PHACTR1: variants seen among roughly 807,000 people sequenced by gnomAD.
The protein encoded by PHACTR1 is RPEL repeat containing 1.
Under a neutral mutation model 69.2 loss-of-function variants are expected in PHACTR1, and 16 were observed. The observed-to-expected ratio is 0.23, with a 90% CI of 0.16 to 0.35. The LOEUF is 0.35. Ranked by LOEUF, PHACTR1 falls within the 10% of genes least tolerant of loss-of-function variation. PHACTR1 has a pLI of 1.00. For synonymous variants in PHACTR1, 312 were observed against 284.5 expected (o/e 1.10, Z -0.97); for missense variants, 510 against 734.7 (o/e 0.69, Z 3.54).
At chr6:13,101,542 A>G (rs1382354381) in intron 5 of PHACTR1, among the ~76,000 whole-genome samples, 1 of 152,228 alleles carries the variant, frequency 6.6e-6, no homozygotes, top group Non-Finnish European at 1.5e-5. Flanking sequence ...CACTTTTGCA[A>G]TAAACCTGTG....
Position 13,272,848 on chromosome 6 carries a change from T to C in PHACTR1, c.1392-12T>C. On this transcript the variant is annotated splice_polypyrimidine_tract_variant and intron_variant, in intron 10 of 14. Coordinates refer to ENST00000332995, the MANE Select transcript of PHACTR1 (RefSeq NM_030948.6). ...ATATGGTCCAAAAACTTTTCCTGGA[T>C]TTTTTCCGTAGGCGGCTGAGCCAGA... The C allele has an allele frequency of 1.2e-6, 2 of 1,614,026 alleles. No individual in the cohort carries two copies. Among genetic ancestry groups the C allele is most frequent in the Non-Finnish European group, 1.7e-6 (2 of 1,179,894 alleles).
rs573967986 is a variant in PHACTR1, at chr6:12,921,617, A to G, written c.251-131748A>G. The stretch of plus-strand genomic sequence containing the variant: ...GGGAGGAAGGGAGGAAGGAAGGAAG[A>G]AAGGGAGGAAGGAGAGGGAGGGAGG... On this transcript the variant is annotated intron_variant, in intron 4 of 14. Transcript: ENST00000332995. Among the ~76,000 whole-genome samples, 292 of 96,008 alleles carry G rather than the reference A, an allele frequency of 3.0e-3. 1 individual carries two copies. The highest frequency in any genetic ancestry group is 4.3e-3 in the Non-Finnish European group (210 of 48,872). The allele number at this position is 96,008 out of a possible 152,430, so 63.0% of individuals were successfully genotyped here. A position where few individuals can be genotyped will look rare whatever the true frequency, so the allele number is the denominator to read the frequency against.
chr6:13,194,622 A>G (rs1447250673), intron 7 of PHACTR1, among the ~76,000 whole-genome samples: 3 of 152,072 alleles, frequency 2.0e-5, no homozygotes, highest in East Asian at 3.9e-4. Context: ...AATGGATTGT[A>G]TATTTCAAAA....
At chr6:13,062,565 T>C (rs1164354581) in intron 5 of PHACTR1, among the ~76,000 whole-genome samples, 1 of 152,126 alleles carries the variant, frequency 6.6e-6, no homozygotes, top group Non-Finnish European at 1.5e-5. Context: ...CTACACTGGA[T>C]TCTGCCTTTG....
intron 4 of PHACTR1, among the ~76,000 whole-genome samples, chr6:13,037,556 G>A (rs1803493108): frequency 6.6e-6 from 1 of 152,244 alleles, no homozygotes; most frequent in Non-Finnish European, 1.5e-5. Context: ...GAATGGCCTT[G>A]AGGCAGAAAT....
chr6:13,236,288 A>G (rs916544638), intron 10 of PHACTR1, among the ~76,000 whole-genome samples: 2 of 152,150 alleles, frequency 1.3e-5, no homozygotes, highest in Non-Finnish European at 2.9e-5. Flanking sequence ...CAGACCACTC[A>G]CCTATGATTA....
intron 3 of PHACTR1, among the ~76,000 whole-genome samples, chr6:12,728,442 T>C (rs1763074224): frequency 1.3e-5 from 2 of 152,208 alleles, no homozygotes; most frequent in Non-Finnish European, 2.9e-5. Flanking sequence ...TTTATAAAAC[T>C]GGGGGTATGA....
chr6:12,918,576 G>C (rs967059163), intron 4 of PHACTR1, among the ~76,000 whole-genome samples: 3 of 152,176 alleles, frequency 2.0e-5, no homozygotes, highest in Non-Finnish European at 4.4e-5. Flanking sequence ...AGCATGTAGA[G>C]GTTGTCTGTT....
chr6:13,014,479 C>T (rs1561690595), intron 4 of PHACTR1, among the ~76,000 whole-genome samples: 1 of 152,174 alleles, frequency 6.6e-6, no homozygotes, highest in Admixed American at 6.5e-5. Context: ...TTTTTCCTTC[C>T]ATGGGCTTCT....
intron 11 of PHACTR1, among the ~76,000 whole-genome samples, chr6:13,277,268 C>T (rs1256644702): frequency 6.6e-6 from 1 of 152,022 alleles, no homozygotes; most frequent in Non-Finnish European, 1.5e-5. Context: ...GTAAATCACC[C>T]ATATATTAAG....
chr6:13,003,485 A>G (rs1798336061), intron 4 of PHACTR1, among the ~76,000 whole-genome samples: 3 of 152,204 alleles, frequency 2.0e-5, no homozygotes, highest in Admixed American at 1.3e-4. Flanking sequence ...GTGTAAATAG[A>G]TAGATGGATA....
At chr6:12,743,252 C>T (rs1304742700) in intron 3 of PHACTR1, among the ~76,000 whole-genome samples, 3 of 150,786 alleles carry the variant, frequency 2.0e-5, no homozygotes, top group Admixed American at 2.0e-4. Context: ...AACAGGTGAA[C>T]CACAGTTCCT....
At chr6:13,062,886 C>T (rs1807894134) in intron 5 of PHACTR1, among the ~76,000 whole-genome samples, 1 of 152,154 alleles carries the variant, frequency 6.6e-6, no homozygotes, top group South Asian at 2.1e-4. Flanking sequence ...ACTGGCATAG[C>T]TCTTGAGCTG....
intron 4 of PHACTR1, among the ~76,000 whole-genome samples, chr6:12,766,346 A>G (rs373225326): frequency 6.6e-6 from 1 of 152,228 alleles, no homozygotes; most frequent in East Asian, 1.9e-4. Flanking sequence ...CTGAGAGATT[A>G]CCTATTCCAG....
At chr6:12,862,185 A>C (rs528463129) in intron 4 of PHACTR1, among the ~76,000 whole-genome samples, 76 of 152,186 alleles carry the variant, frequency 5.0e-4, no homozygotes, top group Non-Finnish European at 9.4e-4. Context: ...GTGTGGGCTG[A>C]CTGTAAAGCA....
intron 8 of PHACTR1, among the ~76,000 whole-genome samples, chr6:13,227,114 G>A (rs755044086): frequency 3.3e-5 from 5 of 152,132 alleles, no homozygotes; most frequent in Non-Finnish European, 5.9e-5. Flanking sequence ...CATCATCCTC[G>A]ATGCCTCTTA....
At chr6:13,192,538 A>T (rs1763744248) in intron 7 of PHACTR1, among the ~76,000 whole-genome samples, 1 of 152,236 alleles carries the variant, frequency 6.6e-6, no homozygotes, top group Non-Finnish European at 1.5e-5. Context: ...TGTAGAAGGA[A>T]GTTAGCATCT....
intron 4 of PHACTR1, among the ~76,000 whole-genome samples, chr6:12,977,878 A>G (rs1795079084): frequency 6.6e-6 from 1 of 152,200 alleles, no homozygotes; most frequent in Admixed American, 6.5e-5. Context: ...CCCTGTTGAA[A>G]TAACATTTCT....
chr6:13,215,022 G>A (rs1235888995), intron 8 of PHACTR1, among the ~76,000 whole-genome samples: 1 of 152,152 alleles, frequency 6.6e-6, no homozygotes, highest in Non-Finnish European at 1.5e-5. Context: ...TCCCTGAGCA[G>A]CTAAATGAAG....
Sources: gnomAD v4.1 joint callset for allele counts (sites outside exome capture counted in the v4.1 genomes callset) on GRCh38, gnomAD v4.1.1 for gene constraint, MANE v1.5 for transcripts, NCBI Gene and HGNC (gene_info 2026-07-23, HGNC 2026-07-21) for gene names.